The following GALNT14 variants were observed in gnomAD, a reference collection of about 807,000 sequenced individuals.
GALNT14 encodes the protein polypeptide N-acetylgalactosaminyltransferase 14, also known as UDP-GalNAc:polypeptide N-acetylgalactosaminyltransferase 14.
GALNT14 carries 60 observed loss-of-function variants against 77.5 expected under a neutral mutation model. That is an observed-to-expected ratio of 0.77 (90% CI 0.63 to 0.96). The LOEUF (loss-of-function observed/expected upper bound fraction) is 0.96, where lower values mean the gene tolerates loss of function less well. Among genes scored for constraint, GALNT14 ranks in the 40% least tolerant of loss-of-function variants. GALNT14 has a pLI of 0.00. For synonymous variants in GALNT14, 280 were observed against 281.7 expected (o/e 0.99, Z 0.06); for missense variants, 710 against 731.0 (o/e 0.97, Z 0.33).
intron 10 of GALNT14, among the ~76,000 whole-genome samples, chr2:30,930,176 CT>C (rs766560022): frequency 5.1e-4 from 76 of 149,162 alleles, no homozygotes; most frequent in Non-Finnish European, 1.0e-3. Flanking sequence ...CTCAGGAACC[CT>C]ACTGGCATCC....
chr2:31,012,424 G>A (rs1463401989), intron 1 of GALNT14, among the ~76,000 whole-genome samples: 4 of 152,156 alleles, frequency 2.6e-5, no homozygotes, highest in Admixed American at 1.3e-4. Context: ...ACAAAACAGC[G>A]TGTGTCCTGG....
chr2:30,913,847 C>T (rs1664515444), intron 13 of GALNT14, among the ~76,000 whole-genome samples: 1 of 152,212 alleles, frequency 6.6e-6, no homozygotes, highest in Admixed American at 6.5e-5. Flanking sequence ...GCAATGGGTA[C>T]ATGGGCGTTC....
intron 6 of GALNT14, among the ~76,000 whole-genome samples, chr2:30,949,657 C>T (rs905059725): frequency 3.9e-5 from 6 of 152,212 alleles, no homozygotes; most frequent in Admixed American, 3.3e-4. Flanking sequence ...CTCATTTCTC[C>T]GCTGAGTCAT....
At chr2:30,964,963 G>A (rs1420700470) in intron 3 of GALNT14, among the ~76,000 whole-genome samples, 1 of 152,110 alleles carries the variant, frequency 6.6e-6, no homozygotes, top group Non-Finnish European at 1.5e-5. Context: ...TGTGCTCTCT[G>A]ACCCATGTTT....
At chr2:31,080,908 G>A (rs1230873402) in intron 1 of GALNT14, among the ~76,000 whole-genome samples, 1 of 152,200 alleles carries the variant, frequency 6.6e-6, no homozygotes, top group East Asian at 1.9e-4. Context: ...CAGAATATAT[G>A]TGGCCACGTT....
At chr2:31,130,781 T>C (rs557943113) in intron 1 of GALNT14, among the ~76,000 whole-genome samples, 3,422 of 124,176 alleles carry the variant, frequency 0.028, 163 homozygotes, top group African/African-American at 0.11. Context: ...TGTGTGTGTG[T>C]GTGCGCGCGC....
At chr2:31,010,690 G>A (rs962044178) in intron 1 of GALNT14, among the ~76,000 whole-genome samples, 2 of 152,136 alleles carry the variant, frequency 1.3e-5, no homozygotes, top group Non-Finnish European at 2.9e-5. Flanking sequence ...TCAGAATGCT[G>A]TCCTCACTCT....
chr2:31,084,709 A>G (rs1676328563), intron 1 of GALNT14, among the ~76,000 whole-genome samples: 1 of 152,158 alleles, frequency 6.6e-6, no homozygotes, highest in Non-Finnish European at 1.5e-5. Flanking sequence ...TGGCTCACCC[A>G]CAGCTGGTGT....
chr2:31,098,894 C>T (rs946993916), intron 1 of GALNT14, among the ~76,000 whole-genome samples: 1 of 151,938 alleles, frequency 6.6e-6, no homozygotes, highest in Admixed American at 6.6e-5. Context: ...ATTCAGTAAG[C>T]GGAAGAGGAT....
intron 1 of GALNT14, among the ~76,000 whole-genome samples, chr2:31,091,938 T>A (rs1034230283): frequency 1.4e-4 from 21 of 152,094 alleles, no homozygotes; most frequent in Non-Finnish European, 2.9e-4. Flanking sequence ...CAGCTGCCAG[T>A]GCGGCTAGAA....
chr2:31,020,832 GC>G (rs58067566), intron 1 of GALNT14, among the ~76,000 whole-genome samples: 2,576 of 152,324 alleles, frequency 0.017, 75 homozygotes, highest in African/African-American at 0.057. Context: ...AGCTTCAGCT[GC>G]TCTGAAGGGA....
chr2:30,992,728 G>T, intron 2 of GALNT14, 110 bp downstream of exon 2: 2 of 1,233,196 alleles, frequency 1.6e-6, no homozygotes, highest in Non-Finnish European at 2.3e-6. Context: ...GGCAGCAGAT[G>T]GTCCAGCCCG....
the GALNT14 span, among the ~76,000 whole-genome samples, chr2:30,898,667 G>C: frequency 3.3e-5 from 5 of 152,198 alleles, no homozygotes; most frequent in East Asian, 9.6e-4. Context: ...AGTGGGGCAT[G>C]TCAATCAAAG....
chr2:30,904,808 CCT>C, the GALNT14 span, among the ~76,000 whole-genome samples: 3 of 152,156 alleles, frequency 2.0e-5, no homozygotes, highest in African/African-American at 4.8e-5. Context: ...CTTAAATGTC[CCT>C]GTCTGACAGC....
chr2:30,946,464 C>T (rs1666705807), intron 6 of GALNT14, among the ~76,000 whole-genome samples: 2 of 152,124 alleles, frequency 1.3e-5, no homozygotes, highest in South Asian at 4.1e-4. Context: ...CCTCCCCACT[C>T]ATTTGCTCTG....
intron 1 of GALNT14, among the ~76,000 whole-genome samples, chr2:31,027,599 A>C (rs556684769): frequency 6.6e-6 from 1 of 152,300 alleles, no homozygotes; most frequent in East Asian, 1.9e-4. Context: ...CTTTAGGAAG[A>C]AACCTGGTAC....
intron 1 of GALNT14, chr2:31,114,840 G>A (rs1359945565): frequency 4.2e-6 from 3 of 716,572 alleles, no homozygotes; most frequent in African/African-American, 1.7e-5. Flanking sequence ...AAGTCCCAAA[G>A]ATAAGGAGAA....
At chr2:31,130,057 C>A (rs917802312) in intron 1 of GALNT14, among the ~76,000 whole-genome samples, 1 of 152,216 alleles carries the variant, frequency 6.6e-6, no homozygotes, top group Non-Finnish European at 1.5e-5. Context: ...TGCTCTCCTG[C>A]ATTTCCTTGA....
rs1667395289 is a variant in GALNT14 at position 30,956,729 on chromosome 2, A to T, written c.467-752T>A. ...ACCATGTTAACCAGGCTGGTCTCGA[A>T]CTCCTGACCTCAGATGATCCTCCCG... On this transcript the variant is annotated intron_variant, in intron 4 of 14. Transcript: ENST00000349752. 3.3e-5 allele frequency among the ~76,000 whole-genome samples: 5 copies of T among 151,924 alleles called. No homozygotes were observed. In the South Asian group the frequency reaches 1.0e-3, roughly 32 times the overall value.
Sources: allele counts gnomAD v4.1 joint callset (sites outside exome capture counted in the v4.1 genomes callset), GRCh38; gene constraint gnomAD v4.1.1; transcripts MANE v1.5; gene names NCBI Gene and HGNC (gene_info 2026-07-23, HGNC 2026-07-21).